FNDC1: variants seen among roughly 807,000 people sequenced by gnomAD.
The protein encoded by FNDC1 is fibronectin type III domain containing 1, also known as fibronectin type III domain-containing protein 1.
In FNDC1, 96 loss-of-function variants were observed where a neutral mutation model predicts 168.0. That is an observed-to-expected ratio of 0.57 (90% CI 0.48 to 0.68). FNDC1 has a LOEUF of 0.68. Among genes scored for constraint, FNDC1 ranks in the 30% least tolerant of loss-of-function variants. FNDC1 has a pLI of 0.00. For missense variants in FNDC1, 2,587 were observed against 2,482.1 expected, an observed-to-expected ratio of 1.04 and a Z score of -0.90; for synonymous variants, 1,099 against 1,025.9, an observed-to-expected ratio of 1.07 and a Z score of -1.36.
chr6:159,187,282 C>T (rs995827545), intron 1 of FNDC1, among the ~76,000 whole-genome samples: 3 of 152,176 alleles, frequency 2.0e-5, no homozygotes, highest in Admixed American at 6.5e-5. Context: ...ACACGATCTG[C>T]TTCCATTGCT....
intron 8 of FNDC1, 49 bp from the exon 9 acceptor site, chr6:159,226,424 A>T: frequency 7.0e-7 from 1 of 1,428,548 alleles, no homozygotes; most frequent in Non-Finnish European, 9.7e-7. Context: ...TTACATCTAG[A>T]ATGTCCGGTA....
intron 19 of FNDC1, among the ~76,000 whole-genome samples, chr6:159,264,031 G>C (rs1048861605): frequency 7.9e-5 from 12 of 152,224 alleles, no homozygotes. Context: ...ATTCTCTTAA[G>C]TGGTGTTACT....
intron 5 of FNDC1, 62 bp from the exon 6 acceptor site, chr6:159,221,536 A>G: frequency 3.0e-6 from 4 of 1,327,768 alleles, no homozygotes; most frequent in East Asian, 2.3e-5. Flanking sequence ...CTCCAGCCCC[A>G]GGGGATGTGT....
At chr6:159,244,914 T>A (rs433786) in intron 14 of FNDC1, among the ~76,000 whole-genome samples, 131,492 of 152,194 alleles carry the variant, frequency 0.86, 57,045 homozygotes, top group Middle Eastern at 0.9. Context: ...TACCTGAGAC[T>A]GGATAATTTA....
chr6:159,224,516 A>G (rs1006678579), intron 7 of FNDC1, among the ~76,000 whole-genome samples: 6 of 152,210 alleles, frequency 3.9e-5, no homozygotes, highest in Non-Finnish European at 7.3e-5. Context: ...CATGTTAGAT[A>G]TATAGTTTCC....
rs1162465975 is a variant in FNDC1, at chr6:159,234,402, C to A, written c.3890C>A (p.Ser1297Tyr). ...PGHFSTTPML[S>Y]LRQRMMHARF... ...CACTTCTCCACCACCCCGATGCTGT[C>A]CTTGCGCCAGAGGATGATGCATGCC... is the stretch of plus-strand genomic sequence containing the variant. Residue 1297 changes from serine to tyrosine, a missense_variant, in exon 11 of 23, where the codon TCC becomes TAC. By Grantham distance (144) the Ser-to-Tyr change is moderately radical. Coordinates refer to ENST00000297267, the MANE Select transcript of FNDC1 (RefSeq NM_032532.3). 1.9e-6 allele frequency: 3 copies of A among 1,613,596 alleles called. No individual in the cohort carries two copies. In the South Asian group the frequency reaches 3.3e-5, roughly 18 times the overall value.
intron 1 of FNDC1, among the ~76,000 whole-genome samples, chr6:159,183,360 G>C (rs1395341974): frequency 6.6e-6 from 1 of 152,162 alleles, no homozygotes; most frequent in Non-Finnish European, 1.5e-5. Context: ...CTGCTTCCAT[G>C]ATGCAACTTT....
At chr6:159,226,683 G>A in intron 9 of FNDC1, 103 bp downstream of exon 9, 1 of 806,388 alleles carries the variant, frequency 1.2e-6, no homozygotes, top group Non-Finnish European at 1.9e-6. Flanking sequence ...AGCAACATAT[G>A]TCTAAGAGGT....
In FNDC1 at chr6:159,230,015, G is replaced by A. The variant is rs1006808589; in HGVS notation, c.1369+12G>A. The A allele has an allele frequency of 1.2e-5, 20 of 1,608,282 alleles. No individual in the cohort carries two copies. Among genetic ancestry groups the A allele is most frequent in the Non-Finnish European group, 1.6e-5 (19 of 1,176,526 alleles). On this transcript the variant is annotated intron_variant, in intron 10 of 22. Coordinates refer to ENST00000297267, the MANE Select transcript of FNDC1 (RefSeq NM_032532.3). Reference sequence around the variant, plus strand: ...CGCTATGCCAACAAGTAAGCATTATGTGTCTGTGGCTGTCTTCTCTCTCTC... The same window carrying A: ...CGCTATGCCAACAAGTAAGCATTATATGTCTGTGGCTGTCTTCTCTCTCTC...
At chr6:159,173,661 G>A (rs1781707322) in intron 1 of FNDC1, among the ~76,000 whole-genome samples, 1 of 152,186 alleles carries the variant, frequency 6.6e-6, no homozygotes, top group South Asian at 2.1e-4. Context: ...AGGAGGGGAA[G>A]GAGAGTGTAT....
At position 159,232,483 on chromosome 6, in the gene FNDC1, C is replaced by G; in HGVS notation, c.1971C>G (p.Leu657=). 1 of 1,612,424 alleles carries G rather than the reference C, an allele frequency of 6.2e-7. No homozygotes were observed. The highest frequency in any genetic ancestry group is 1.3e-5 in the African/African-American group (1 of 75,038). ...AAGATGAGCGCGCTGTGGGCTCCCT[C>G]CACCCCAAGGGCGCCTTCGCCCAGC... ...SDEDERAVGS[L]HPKGAFAQPR... is the part of the protein sequence containing the mutation. The change falls in exon 11 of 23, where the codon CTC becomes CTG. Residue 657 remains leucine (L), a synonymous_variant. Transcript: ENST00000297267. This position sits in a 1 kb window ranked among gnomAD's most constrained non-coding sequence, Gnocchi z 4.9.
In FNDC1 at chr6:159,251,459, G is replaced by A. The variant is rs761049949; in HGVS notation, c.4992G>A (p.Val1664=). 6.2e-7 allele frequency: 1 copy of A among 1,613,958 alleles called. No individual in the cohort carries two copies. Among genetic ancestry groups the A allele is most frequent in the African/African-American group, 1.3e-5 (1 of 75,028 alleles). ...AGCATGCTCCCCGCAACATCACCGTGGTGGCCGTGGAAGGTTGCCACTCAT... is the reference window on the plus strand; with the variant it reads ...AGCATGCTCCCCGCAACATCACCGTAGTGGCCGTGGAAGGTTGCCACTCAT... ...PPQHAPRNIT[V]VAVEGCHSFV... The change falls in exon 17 of 23, where the codon GTG becomes GTA. Residue 1664 remains valine, a synonymous_variant. Transcript: ENST00000297267.
intron 14 of FNDC1, chr6:159,243,040 T>C (rs886923878): frequency 2.0e-5 from 3 of 152,236 alleles, no homozygotes; most frequent in African/African-American, 7.2e-5. Context: ...TGTTGGATAA[T>C]AAACTCCTTG....
intron 4 of FNDC1, among the ~76,000 whole-genome samples, chr6:159,200,792 T>C (rs545064021): frequency 3.3e-5 from 5 of 152,366 alleles, no homozygotes; most frequent in Admixed American, 2.0e-4. Context: ...CGTTCTTTCA[T>C]GTTCTCGCGT....
At position 159,232,280 on chromosome 6, in the gene FNDC1, G is replaced by A; in HGVS notation, c.1768G>A (p.Ala590Thr). 6.2e-7 allele frequency: 1 copy of A among 1,610,814 alleles called. No homozygotes were observed. Among genetic ancestry groups the A allele is most frequent in the Non-Finnish European group, 8.5e-7 (1 of 1,178,508 alleles). The change falls in exon 11 of 23, where the codon GCG becomes ACG. Residue 590 changes from alanine (A) to threonine (T), a missense_variant. By Grantham distance (58) the Ala-to-Thr change is moderately conservative. Transcript: ENST00000297267. This position sits in a 1 kb window ranked among gnomAD's most constrained non-coding sequence, Gnocchi z 4.9. ...GACTGCAGTGAGGGCCCGGATGCCA[G>A]CGCTGCCCCGAAGGGAAGGCGTAGA... ...GRTAVRARMP[A>T]LPRREGVDKP...
At chr6:159,227,274 T>C (rs2114983025) in intron 9 of FNDC1, among the ~76,000 whole-genome samples, 1 of 152,368 alleles carries the variant, frequency 6.6e-6, no homozygotes, top group Middle Eastern at 3.4e-3. Flanking sequence ...GCTGAAGTTT[T>C]TCCTGGCACT....
At chr6:159,213,417 C>T (rs1249139034) in intron 4 of FNDC1, among the ~76,000 whole-genome samples, 3 of 152,162 alleles carry the variant, frequency 2.0e-5, no homozygotes, top group Admixed American at 6.6e-5. Context: ...ATTTTTATTG[C>T]AGCTTATTAC....
In FNDC1 at chr6:159,234,423, A is replaced by G. The variant is rs761634482; in HGVS notation, c.3911A>G (p.His1304Arg). The G allele has an allele frequency of 6.8e-6, 11 of 1,613,632 alleles. No homozygotes were observed. Among genetic ancestry groups the G allele is most frequent in the Non-Finnish European group, 9.3e-6 (11 of 1,179,874 alleles). The change falls in exon 11 of 23, where the codon CAT (histidine) becomes CGT (arginine). Residue 1304 changes from histidine to arginine, a missense_variant. Coordinates refer to ENST00000297267, the MANE Select transcript of FNDC1 (RefSeq NM_032532.3). ...CTGTCCTTGCGCCAGAGGATGATGC[A>G]TGCCAGATTCCGTAACCCTCTCTCC... is the stretch of plus-strand genomic sequence containing the variant. ...PMLSLRQRMM[H>R]ARFRNPLSRQ...
chr6:159,269,530 C>CCATT (rs1777690990), intron 22 of FNDC1, among the ~76,000 whole-genome samples: 2 of 148,478 alleles, frequency 1.3e-5, no homozygotes, highest in East Asian at 3.9e-4. Context: ...ATCCATCCAT[C>CCATT]CATCCATCCA....
Sources: gnomAD v4.1 joint callset for allele counts (sites outside exome capture counted in the v4.1 genomes callset) on GRCh38, gnomAD v4.1.1 for gene constraint, Gnocchi (gnomAD v3.1) non-coding constraint, MANE v1.5 for transcripts, NCBI Gene and HGNC (gene_info 2026-07-23, HGNC 2026-07-21) for gene names.